SMPX: variants seen among roughly 807,000 people sequenced by gnomAD.
The protein encoded by SMPX is small muscular protein.
A neutral mutation model predicts 6.3 loss-of-function variants in SMPX; 2 were observed. The observed-to-expected ratio is 0.32, with a 90% CI of 0.13 to 0.99. The LOEUF (loss-of-function observed/expected upper bound fraction) is 0.99, where lower values mean the gene tolerates loss of function less well. Among genes scored for constraint, SMPX ranks in the 50% least tolerant of loss-of-function variants. SMPX has a pLI of 0.49. For synonymous variants in SMPX, 32 were observed against 24.7 expected (o/e 1.30, Z -0.88); for missense variants, 60 against 66.8 (o/e 0.90, Z 0.36).
intron 4 of SMPX, among the ~76,000 whole-genome samples, chrX:21,733,989 C>T (rs1051808452): frequency 8.9e-6 from 1 of 111,738 alleles, no homozygotes; most frequent in Non-Finnish European, 1.9e-5. Context: ...CATACCTTAG[C>T]CCCTCAAAAG....
chrX:21,725,345 G>A (rs1285906667), intron 4 of SMPX, among the ~76,000 whole-genome samples: 1 of 111,974 alleles, frequency 8.9e-6, no homozygotes, highest in Non-Finnish European at 1.9e-5. Flanking sequence ...TTACTAGAAA[G>A]GTGAAATGTC....
chrX:21,756,464 T>C (rs1429391894), intron 1 of SMPX, among the ~76,000 whole-genome samples: 4 of 112,381 alleles, frequency 3.6e-5, no homozygotes, highest in Non-Finnish European at 7.5e-5. Context: ...CATGTCAATC[T>C]TTGAAAGAGA....
chrX:21,723,769 C>T (rs1477409167), intron 4 of SMPX, among the ~76,000 whole-genome samples: 1 of 111,303 alleles, frequency 9.0e-6, no homozygotes, highest in African/African-American at 3.3e-5. Context: ...CTTGGTATTT[C>T]AGAATTTGAT....
At chrX:21,735,389 A>C (rs2092809423) in intron 4 of SMPX, among the ~76,000 whole-genome samples, 1 of 112,580 alleles carries the variant, frequency 8.9e-6, no homozygotes, top group Admixed American at 9.4e-5. Flanking sequence ...GAATAAGGAA[A>C]AATAGGTCTC....
Position 21,719,250 on chromosome X carries a change from T to C in SMPX, c.*15-12856A>G, listed in dbSNP as rs914891938. ...AAATCAAAAGAGAGGCCGGGCGCAGTGGCTCACGCCTGTAATCCCAGCACT... is the reference window on the plus strand; with the variant it reads ...AAATCAAAAGAGAGGCCGGGCGCAGCGGCTCACGCCTGTAATCCCAGCACT... On this transcript the variant is annotated intron_variant, in intron 4 of 4. Transcript: ENST00000379494. Among the ~76,000 whole-genome samples, 5 of 111,996 alleles carry C rather than the reference T, an allele frequency of 4.5e-5. No homozygotes were observed. In the East Asian group the frequency reaches 8.5e-4, roughly 19 times the overall value.
intron 4 of SMPX, among the ~76,000 whole-genome samples, chrX:21,719,433 G>C (rs1279370171): frequency 9.1e-6 from 1 of 110,056 alleles, no homozygotes; most frequent in African/African-American, 3.3e-5. Flanking sequence ...CATGAGACTC[G>C]CTTGAACCCG....
intron 3 of SMPX, among the ~76,000 whole-genome samples, chrX:21,738,321 G>A (rs2092812736): frequency 9.0e-6 from 1 of 111,554 alleles, no homozygotes; most frequent in African/African-American, 3.3e-5. Context: ...GCGCATACTT[G>A]TTGACTGTTG....
At chrX:21,708,447 C>T (rs1255674941) in intron 4 of SMPX, among the ~76,000 whole-genome samples, 1 of 112,316 alleles carries the variant, frequency 8.9e-6, no homozygotes, top group African/African-American at 3.2e-5. Flanking sequence ...TGTCATTGAA[C>T]ATTTCTAGCA....
In SMPX at chrX:21,752,753, G is replaced by A. The variant is rs1456095343; in HGVS notation, c.45+1493C>T. Among the ~76,000 whole-genome samples the A allele has an allele frequency of 3.6e-5, 4 of 111,334 alleles. No homozygotes were observed. The Admixed American group carries it at 3.8e-4, about 11-fold the overall frequency. On this transcript the variant is annotated intron_variant, in intron 2 of 4. Coordinates refer to ENST00000379494, the MANE Select transcript of SMPX (RefSeq NM_014332.3). ...AGGATGGTCTCGATCTCCCAACCTC[G>A]TGATCTGCCCATCTCAGCCTCCCAA...
At chrX:21,740,662 C>T (rs1227176719) in intron 3 of SMPX, among the ~76,000 whole-genome samples, 1 of 112,165 alleles carries the variant, frequency 8.9e-6, no homozygotes, top group Non-Finnish European at 1.9e-5. Context: ...TGTACTAACT[C>T]ATTTAATCCT....
chrX:21,756,952 A>G (rs753848238), intron 1 of SMPX, among the ~76,000 whole-genome samples: 1 of 112,253 alleles, frequency 8.9e-6, no homozygotes, highest in Non-Finnish European at 1.9e-5. Flanking sequence ...TCTGTAAGTC[A>G]GTGGGGACCA....
chrX:21,729,890 C>T (rs1230180286), intron 4 of SMPX, among the ~76,000 whole-genome samples: 15 of 111,904 alleles, frequency 1.3e-4, no homozygotes. Context: ...CTTGTGTTCA[C>T]TCTCAAGTCC....
intron 4 of SMPX, among the ~76,000 whole-genome samples, chrX:21,725,237 A>G (rs1248944636): frequency 8.9e-6 from 1 of 112,449 alleles, no homozygotes; most frequent in Non-Finnish European, 1.9e-5. Context: ...GGTGTCATAG[A>G]GAAGACACCC....
chrX:21,710,883 T>A (rs887588024), intron 4 of SMPX, among the ~76,000 whole-genome samples: 2 of 111,824 alleles, frequency 1.8e-5, no homozygotes, highest in Non-Finnish European at 3.8e-5. Flanking sequence ...TTGTTCAGCC[T>A]ACAAAATAAA....
intron 4 of SMPX, among the ~76,000 whole-genome samples, chrX:21,720,406 C>A (rs1281934815): frequency 8.9e-6 from 1 of 112,354 alleles, no homozygotes; most frequent in African/African-American, 3.2e-5. Flanking sequence ...GTCAACAACT[C>A]ACTACAACCT....
chrX:21,753,407 T>C (rs1222853045), intron 2 of SMPX, among the ~76,000 whole-genome samples: 1 of 111,683 alleles, frequency 9.0e-6, no homozygotes, highest in East Asian at 2.8e-4. Context: ...TTTATGATTG[T>C]GTTTCTGTTG....
chrX:21,750,742 C>T (rs2092826617), intron 2 of SMPX, among the ~76,000 whole-genome samples: 1 of 112,028 alleles, frequency 8.9e-6, no homozygotes, highest in Non-Finnish European at 1.9e-5. Context: ...ATGTGAAAGA[C>T]TACTGTCTAC....
intron 4 of SMPX, among the ~76,000 whole-genome samples, chrX:21,713,463 T>C (rs937563095): frequency 1.8e-5 from 2 of 112,255 alleles, no homozygotes; most frequent in Admixed American, 1.9e-4. Context: ...AGAGGTTTGA[T>C]GGACTCACAG....
At position 21,752,708 on chromosome X, in the gene SMPX, AG is replaced by A. The variant is rs766522210; in HGVS notation, c.45+1537del. 2.7e-5 allele frequency among the ~76,000 whole-genome samples: 3 copies of A among 110,566 alleles called. No homozygotes were observed. The East Asian group carries it at 8.5e-4, about 31-fold the overall frequency. ...AATTTTTTATATTTTTAGTAGAGACAGGGTTTCACCGTGTTAGCCAGGATGG... is the reference window on the plus strand; with the variant it reads ...AATTTTTTATATTTTTAGTAGAGACAGGTTTCACCGTGTTAGCCAGGATGG... On this transcript the variant is annotated intron_variant, in intron 2 of 4. Coordinates refer to ENST00000379494, the MANE Select transcript of SMPX (RefSeq NM_014332.3).
Sources: gnomAD v4.1 joint callset for allele counts (sites outside exome capture counted in the v4.1 genomes callset) on GRCh38, gnomAD v4.1.1 for gene constraint, MANE v1.5 for transcripts, NCBI Gene and HGNC (gene_info 2026-07-23, HGNC 2026-07-21) for gene names.